RFX7: variants seen among roughly 807,000 people sequenced by gnomAD.
RFX7 encodes the protein regulatory factor X7.
Under a neutral mutation model 111.8 loss-of-function variants are expected in RFX7, and 26 were observed. The observed-to-expected ratio is 0.23, with a 90% CI of 0.17 to 0.32. RFX7 has a LOEUF of 0.32. Among genes scored for constraint, RFX7 ranks in the 10% least tolerant of loss-of-function variants. RFX7 has a pLI of 1.00. For synonymous variants in RFX7, 624 were observed against 624.4 expected, an observed-to-expected ratio of 1.00 and a Z score of 0.01; for missense variants, 1,573 against 1,772.9, an observed-to-expected ratio of 0.89 and a Z score of 2.02.
intron 2 of RFX7, among the ~76,000 whole-genome samples, chr15:56,199,400 T>C (rs2043173720): frequency 6.6e-6 from 1 of 152,188 alleles, no homozygotes; most frequent in Non-Finnish European, 1.5e-5. Context: ...ATTGTAATAT[T>C]TAAAAATAGC....
At chr15:56,211,856 A>C (rs1287812606) in intron 2 of RFX7, among the ~76,000 whole-genome samples, 1 of 152,064 alleles carries the variant, frequency 6.6e-6, no homozygotes. Context: ...AATGGCCAAA[A>C]TCCAAAATAC....
chr15:56,137,472 C>T (rs1392626073), intron 5 of RFX7, among the ~76,000 whole-genome samples: 1 of 152,144 alleles, frequency 6.6e-6, no homozygotes, highest in African/African-American at 2.4e-5. Context: ...TCCCCTTTAT[C>T]ATTTTTTATT....
In RFX7 at chr15:56,087,332, G is replaced by A. The variant is rs1271635230; in HGVS notation, c.*6013C>T. ...TTCTCTCATGTAAAACACATCCAGA[G>A]GTAAGCAGTCAGGACTAGTTGGGCA... On this transcript the variant is annotated 3_prime_UTR_variant, in exon 10 of 10. Coordinates refer to ENST00000559447, the MANE Select transcript of RFX7 (RefSeq NM_022841.7). 3 of 434,970 alleles carry A rather than the reference G, an allele frequency of 6.9e-6. No individual in the cohort carries two copies. Among genetic ancestry groups the A allele is most frequent in the Non-Finnish European group, 1.4e-5 (3 of 215,448 alleles). The allele number at this position is 434,970 out of a possible 1,614,324, so 26.9% of individuals were successfully genotyped here. A position where few individuals can be genotyped will look rare whatever the true frequency, so the allele number is the denominator to read the frequency against.
At chr15:56,233,097 T>C (rs2043585538) in intron 2 of RFX7, among the ~76,000 whole-genome samples, 1 of 152,236 alleles carries the variant, frequency 6.6e-6, no homozygotes, top group South Asian at 2.1e-4. Flanking sequence ...TTTACTGTAT[T>C]AATCTGTTTT....
chr15:56,139,320 T>C (rs1373093299), intron 5 of RFX7, among the ~76,000 whole-genome samples: 1 of 152,038 alleles, frequency 6.6e-6, no homozygotes. Context: ...CATTTCTTTT[T>C]ATTCTTTTTT....
chr15:56,135,833 T>C (rs1484203908), intron 5 of RFX7, among the ~76,000 whole-genome samples: 2 of 152,088 alleles, frequency 1.3e-5, no homozygotes, highest in Non-Finnish European at 2.9e-5. Context: ...TTTCTACATA[T>C]GGCTAGCCAG....
intron 3 of RFX7, among the ~76,000 whole-genome samples, chr15:56,146,748 A>C (rs2042479128): frequency 6.6e-6 from 1 of 152,198 alleles, no homozygotes; most frequent in African/African-American, 2.4e-5. Context: ...AAACAATGAA[A>C]ACTTGTAACT....
chr15:56,198,953 G>C (rs1292313418), intron 2 of RFX7, among the ~76,000 whole-genome samples: 2 of 151,790 alleles, frequency 1.3e-5, no homozygotes, highest in African/African-American at 4.8e-5. Flanking sequence ...TTGAGGCCAG[G>C]AGTTCAAGAC....
intron 5 of RFX7, among the ~76,000 whole-genome samples, chr15:56,111,720 C>A (rs1320958286): frequency 7.1e-6 from 1 of 141,330 alleles, no homozygotes; most frequent in Non-Finnish European, 1.5e-5. Context: ...CACCCTAAAA[C>A]CATTAAATCA....
intron 2 of RFX7, among the ~76,000 whole-genome samples, chr15:56,202,826 A>G (rs1008291135): frequency 2.4e-4 from 37 of 152,300 alleles, no homozygotes; most frequent in African/African-American, 8.4e-4. Context: ...AAAGAAAAAG[A>G]AAGTATAATG....
At chr15:56,185,353 C>A (rs564436456) in intron 2 of RFX7, among the ~76,000 whole-genome samples, 7 of 152,168 alleles carry the variant, frequency 4.6e-5, no homozygotes, top group South Asian at 4.1e-4. Flanking sequence ...ATCTATGTAT[C>A]CTTTAAATAA....
intron 2 of RFX7, among the ~76,000 whole-genome samples, chr15:56,219,503 T>A (rs2043402035): frequency 6.6e-6 from 1 of 152,190 alleles, no homozygotes; most frequent in African/African-American, 2.4e-5. Context: ...GATAGGTAGC[T>A]TTTTTAACCC....
intron 2 of RFX7, among the ~76,000 whole-genome samples, chr15:56,240,259 G>A (rs559605267): frequency 6.6e-6 from 1 of 151,966 alleles, no homozygotes; most frequent in African/African-American, 2.4e-5. Context: ...TTTTGTCTAT[G>A]GAGTAAGAAT....
chr15:56,194,946 C>T (rs1322404161), intron 2 of RFX7, among the ~76,000 whole-genome samples: 3 of 152,086 alleles, frequency 2.0e-5, no homozygotes, highest in Admixed American at 1.3e-4. Flanking sequence ...AAAACCTCTA[C>T]ACAAATGGGC....
intron 5 of RFX7, among the ~76,000 whole-genome samples, chr15:56,131,065 G>A (rs2042205471): frequency 6.6e-6 from 1 of 151,314 alleles, no homozygotes; most frequent in African/African-American, 2.4e-5. Context: ...AATTCATTTT[G>A]CAAAGCTGGC....
intron 5 of RFX7, among the ~76,000 whole-genome samples, chr15:56,127,127 A>G (rs546452699): frequency 6.6e-6 from 1 of 152,274 alleles, no homozygotes; most frequent in South Asian, 2.1e-4. Flanking sequence ...AAAAACTGAA[A>G]TCACACAATG....
At chr15:56,177,852 G>A (rs143526634) in intron 3 of RFX7, among the ~76,000 whole-genome samples, 2 of 152,240 alleles carry the variant, frequency 1.3e-5, no homozygotes, top group Admixed American at 1.3e-4. Context: ...TTGGAAGACA[G>A]AGGAAATGCT....
intron 3 of RFX7, among the ~76,000 whole-genome samples, chr15:56,153,271 A>T (rs1352200327): frequency 6.6e-6 from 1 of 152,234 alleles, no homozygotes; most frequent in African/African-American, 2.4e-5. Flanking sequence ...AGAAAATTTC[A>T]GGCCAATATC....
At chr15:56,137,661 T>C (rs35366842) in intron 5 of RFX7, among the ~76,000 whole-genome samples, 6,198 of 151,568 alleles carry the variant, frequency 0.041, 449 homozygotes, top group African/African-American at 0.14. Context: ...TGCTAGCTTT[T>C]GAATGTGTTT....
Sources: gnomAD v4.1 joint callset for allele counts (sites outside exome capture counted in the v4.1 genomes callset) on GRCh38, gnomAD v4.1.1 for gene constraint, MANE v1.5 for transcripts, NCBI Gene and HGNC (gene_info 2026-07-23, HGNC 2026-07-21) for gene names.